The following VPS13D variants were observed in gnomAD, a reference collection of about 807,000 sequenced individuals.
VPS13D encodes the protein vacuolar protein sorting 13 homolog D, also known as intermembrane lipid transfer protein VPS13D.
In VPS13D, 187 loss-of-function variants were observed where a neutral mutation model predicts 461.9. That is an observed-to-expected ratio of 0.40 (90% CI 0.36 to 0.46). The LOEUF (loss-of-function observed/expected upper bound fraction) is 0.46. VPS13D is among the 20% of genes least tolerant of loss of function. The probability of loss-of-function intolerance (pLI) is 0.60; values close to 1 mark genes in which losing one functional copy is unlikely to be tolerated. For missense variants in VPS13D, 4,711 were observed against 5,364.9 expected (o/e 0.88, Z 3.81); for synonymous variants, 1,951 against 1,986.3 (o/e 0.98, Z 0.47).
chr1:12,417,675 C>A (rs1239463221), intron 65 of VPS13D, among the ~76,000 whole-genome samples: 1 of 152,094 alleles, frequency 6.6e-6, no homozygotes, highest in Non-Finnish European at 1.5e-5. Flanking sequence ...CTTTGTGGCA[C>A]CGCGTAGAAA....
At position 12,319,485 on chromosome 1, in the gene VPS13D, T is replaced by C; in HGVS notation, c.7415-12T>C. On this transcript the variant is annotated splice_polypyrimidine_tract_variant and intron_variant, in intron 31 of 69. Transcript: ENST00000620676. ...CCAGCTCTGGCTTGATTGACGACGT[T>C]GTCCTTTCCAGGTACGGAGTTTGTG... 1 of 1,613,978 alleles carries C rather than the reference T, an allele frequency of 6.2e-7. No homozygotes were observed. Among genetic ancestry groups the C allele is most frequent in the Non-Finnish European group, 8.5e-7 (1 of 1,179,870 alleles).
rs145358552 is a variant in VPS13D, at chr1:12,329,883, C to T, written c.8252C>T (p.Thr2751Ile). ...RTSPEGYAHF[T>I]LSGDYYNRAL... The stretch of plus-strand genomic sequence containing the variant: ...AGCCCTGAAGGCTATGCCCACTTCA[C>T]CCTTTCTGGAGATTATTATAACCGT... The change falls in exon 37 of 70, where the codon ACC (threonine) becomes ATC (isoleucine). Residue 2751 changes from threonine to isoleucine, a missense_variant. By Grantham distance (89) the Thr-to-Ile change is moderately conservative (BLOSUM62 -1). Around this residue, in one of 3 missense-constraint regions of VPS13D, gnomAD observed 4,411 missense variants for 4,937.8 expected, o/e 0.89. Coordinates refer to ENST00000620676, the MANE Select transcript of VPS13D (RefSeq NM_015378.4). The T allele has an allele frequency of 1.2e-4, 192 of 1,614,050 alleles. No homozygotes were observed. Among genetic ancestry groups the T allele is most frequent in the Non-Finnish European group, 1.6e-4 (184 of 1,179,988 alleles).
rs72864986 is a variant in VPS13D at position 12,267,160 on chromosome 1, G to A, written c.1725+149G>A. 3,085 of 835,934 alleles carry A rather than the reference G, an allele frequency of 3.7e-3. 54 individuals are homozygous for A. The African/African-American group carries it at 0.048, about 13-fold the overall frequency. The allele number at this position is 835,934 out of a possible 1,614,324, so 51.8% of individuals were successfully genotyped here. The stretch of plus-strand genomic sequence containing the variant: ...AAAAGTTTCTTGAAATTGTTAAAGA[G>A]CAAATGTTGGTGACATTAATGGCTA... On this transcript the variant is annotated intron_variant, in intron 14 of 69. Transcript: ENST00000620676.
intron 68 of VPS13D, chr1:12,500,218 C>T (rs562942770): frequency 6.0e-5 from 59 of 984,226 alleles, no homozygotes; most frequent in Admixed American, 4.3e-4. Flanking sequence ...TAGTTACCAA[C>T]GTATGATTTC....
chr1:12,295,240 A>AC (rs1642244105), intron 24 of VPS13D, among the ~76,000 whole-genome samples: 2 of 151,098 alleles, frequency 1.3e-5, no homozygotes, highest in African/African-American at 4.9e-5. Flanking sequence ...AAAAAAAAAA[A>AC]CAAAACTTTA....
At chr1:12,411,227 G>A (rs1010155628) in intron 63 of VPS13D, among the ~76,000 whole-genome samples, 16 of 152,194 alleles carry the variant, frequency 1.1e-4, no homozygotes, top group African/African-American at 3.9e-4. Context: ...AGTATTTTCA[G>A]ATTAGTTATT....
intron 66 of VPS13D, among the ~76,000 whole-genome samples, chr1:12,459,589 C>T (rs1645380351): frequency 6.6e-6 from 1 of 151,756 alleles, no homozygotes; most frequent in African/African-American, 2.4e-5. Context: ...AGCAATTCTC[C>T]TGCCTTAGCC....
intron 63 of VPS13D, among the ~76,000 whole-genome samples, chr1:12,411,475 TGGAA>T (rs112955303): frequency 2.5e-5 from 3 of 120,986 alleles, no homozygotes; most frequent in African/African-American, 6.5e-5. Flanking sequence ...TCTACAAAAA[TGGAA>T]GGAAGGAAGG....
chr1:12,285,663 AC>A (rs1303174993), intron 21 of VPS13D, among the ~76,000 whole-genome samples: 1 of 152,220 alleles, frequency 6.6e-6, no homozygotes, highest in Non-Finnish European at 1.5e-5. Flanking sequence ...TTCTAAAAAA[AC>A]AATGGACATA....
intron 67 of VPS13D, among the ~76,000 whole-genome samples, chr1:12,463,685 G>T (rs1645442158): frequency 1.3e-5 from 2 of 152,156 alleles, no homozygotes; most frequent in Non-Finnish European, 2.9e-5. Flanking sequence ...AGCCTGGAAG[G>T]TTGAGGCTGC....
intron 5 of VPS13D, among the ~76,000 whole-genome samples, chr1:12,247,510 A>C (rs537974906): frequency 2.4e-4 from 37 of 151,940 alleles, no homozygotes; most frequent in East Asian, 9.7e-4. Flanking sequence ...CCCAAAAAAA[A>C]CCCAAAAAAA....
chr1:12,437,513 T>C (rs1370115745), intron 65 of VPS13D, among the ~76,000 whole-genome samples: 1 of 152,170 alleles, frequency 6.6e-6, no homozygotes, highest in Admixed American at 6.5e-5. Flanking sequence ...CCATTTTCTT[T>C]ACACAAAGCT....
chr1:12,333,103 A>C, intron 37 of VPS13D, 123 bp from the exon 38 acceptor site: 1 of 1,189,136 alleles, frequency 8.4e-7, no homozygotes, highest in Non-Finnish European at 1.2e-6. Flanking sequence ...TTGTTGTGAA[A>C]TTGAATTGGA....
chr1:12,335,405 A>G (rs1643426782), intron 38 of VPS13D, among the ~76,000 whole-genome samples: 1 of 152,168 alleles, frequency 6.6e-6, no homozygotes, highest in African/African-American at 2.4e-5. Context: ...AAATTCCACA[A>G]AATGCCCTAT....
intron 37 of VPS13D, among the ~76,000 whole-genome samples, chr1:12,330,885 A>G (rs1055245048): frequency 2.0e-5 from 3 of 152,092 alleles, no homozygotes; most frequent in African/African-American, 7.2e-5. Flanking sequence ...TTAAACCTCA[A>G]GTCCCTTCAC....
At position 12,506,993 on chromosome 1, in the gene VPS13D, T is replaced by A. The variant is rs760821565; in HGVS notation, c.12935T>A (p.Val4312Asp). ...VKYDDLYHCL[V>D]SKDHGKVYVQ... ...TACGATGACCTCTACCACTGCCTTG[T>A]CTCCAAAGACCATGGGAAGGTGTAT... The change falls in exon 69 of 70, where the codon GTC becomes GAC. Residue 4312 changes from valine (V) to aspartate (D), a missense_variant. Physicochemically the swap from Val to Asp is radical, Grantham distance 152. Around this residue, in one of 3 missense-constraint regions of VPS13D, gnomAD observed 194 missense variants for 220.9 expected, o/e 0.88. Transcript: ENST00000620676. 4 of 1,614,132 alleles carry A rather than the reference T, an allele frequency of 2.5e-6. No homozygotes were observed. The highest frequency in any genetic ancestry group is 3.4e-6 in the Non-Finnish European group (4 of 1,180,050).
intron 37 of VPS13D, 78 bp downstream of exon 37, chr1:12,329,996 T>G: frequency 8.0e-7 from 1 of 1,242,358 alleles, no homozygotes; most frequent in Non-Finnish European, 1.1e-6. Context: ...CTACGTAAAT[T>G]TTACATGAAG....
chr1:12,394,872 A>G (rs1644474718), intron 60 of VPS13D, among the ~76,000 whole-genome samples: 1 of 152,200 alleles, frequency 6.6e-6, no homozygotes. Flanking sequence ...CAGAATGCCT[A>G]CTTAGTGGGC....
chr1:12,280,499 A>AC (rs1196279910), intron 20 of VPS13D, among the ~76,000 whole-genome samples: 1 of 147,342 alleles, frequency 6.8e-6, no homozygotes, highest in East Asian at 2.0e-4. Flanking sequence ...ATGTTGACTT[A>AC]CTTTTTTTTT....
Sources: allele counts gnomAD v4.1 joint callset (sites outside exome capture counted in the v4.1 genomes callset), GRCh38; gene constraint gnomAD v4.1.1; regional missense constraint gnomAD v4.1.1; transcripts MANE v1.5; gene names NCBI Gene and HGNC (gene_info 2026-07-23, HGNC 2026-07-21).